The following PPP4R4 variants were observed in gnomAD, a reference collection of about 807,000 sequenced individuals.
PPP4R4 encodes protein phosphatase 4 regulatory subunit 4.
PPP4R4 carries 70 observed loss-of-function variants against 121.8 expected under a neutral mutation model. That is an observed-to-expected ratio of 0.57 (90% CI 0.47 to 0.70). The LOEUF (loss-of-function observed/expected upper bound fraction) is 0.70, where lower values mean the gene tolerates loss of function less well. Among genes scored for constraint, PPP4R4 ranks in the 30% least tolerant of loss-of-function variants. PPP4R4 has a pLI of 0.00. For missense variants in PPP4R4, 875 were observed against 1,033.6 expected (o/e 0.85, Z 2.10); for synonymous variants, 348 against 355.7 (o/e 0.98, Z 0.24).
In PPP4R4 at chr14:94,219,355, C is replaced by T. The variant is rs536653605; in HGVS notation, c.294+10789C>T. Among the ~76,000 whole-genome samples, 6 of 152,066 alleles carry T rather than the reference C, an allele frequency of 3.9e-5. No homozygotes were observed. In the South Asian group the frequency reaches 6.2e-4, roughly 16 times the overall value. ...TGCTGGGATTACAGATGTGAGCTACCGTGCCTGGCTGTAAAGGAAATTATT... is the reference window on the plus strand; with the variant it reads ...TGCTGGGATTACAGATGTGAGCTACTGTGCCTGGCTGTAAAGGAAATTATT... On this transcript the variant is annotated intron_variant, in intron 3 of 24. Coordinates refer to ENST00000304338, the MANE Select transcript of PPP4R4 (RefSeq NM_058237.2).
intron 2 of PPP4R4, among the ~76,000 whole-genome samples, chr14:94,193,930 TC>T (rs368982465): frequency 2.3e-4 from 35 of 152,314 alleles, no homozygotes; most frequent in African/African-American, 8.2e-4. Flanking sequence ...GGGTAAAACA[TC>T]CTTGGATTAC....
At chr14:94,259,466 A>C (rs1893657951) in intron 19 of PPP4R4, 97 bp downstream of exon 19, 2 of 1,351,514 alleles carry the variant, frequency 1.5e-6, no homozygotes, top group Non-Finnish European at 1.9e-6. Context: ...TCACCATTTC[A>C]CATTACTCTT....
At position 94,174,365 on chromosome 14, in the gene PPP4R4, C is replaced by G. The variant is rs1888537418; in HGVS notation, c.-101C>G. 1 of 1,108,542 alleles carries G rather than the reference C, an allele frequency of 9.0e-7. No individual in the cohort carries two copies. The highest frequency in any genetic ancestry group is 3.1e-5 in the South Asian group (1 of 32,276). The allele number at this position is 1,108,542 out of a possible 1,614,324, so 68.7% of individuals were successfully genotyped here. The stretch of plus-strand genomic sequence containing the variant: ...CAGCCTCACGCTCGGCTCCAGCGGC[C>G]AAGAGCCGGAGAAAGTCCTGCTGGT... On this transcript the variant is annotated 5_prime_UTR_variant, in exon 1 of 25. Coordinates refer to ENST00000304338, the MANE Select transcript of PPP4R4 (RefSeq NM_058237.2).
chr14:94,174,730 C>T, intron 1 of PPP4R4, 148 bp downstream of exon 1: 1 of 1,405,294 alleles, frequency 7.1e-7, no homozygotes, highest in Non-Finnish European at 9.4e-7. Context: ...TCCTCCACCC[C>T]TCTTGCCGTG....
intron 8 of PPP4R4, among the ~76,000 whole-genome samples, chr14:94,239,176 C>A (rs1409420371): frequency 6.7e-6 from 1 of 150,314 alleles, no homozygotes; most frequent in African/African-American, 2.5e-5. Flanking sequence ...TATTTTTGTC[C>A]TAGCCAACTC....
intron 3 of PPP4R4, among the ~76,000 whole-genome samples, chr14:94,219,268 G>T (rs551226948): frequency 3.3e-5 from 5 of 151,998 alleles, no homozygotes; most frequent in Non-Finnish European, 7.4e-5. Flanking sequence ...TAGAGACAGG[G>T]TTTCACCATG....
intron 1 of PPP4R4, 64 bp from the exon 2 acceptor site, chr14:94,175,990 G>A: frequency 8.0e-7 from 1 of 1,249,482 alleles, no homozygotes. Flanking sequence ...GGGTCACTGG[G>A]AGGTTGGGGG....
rs1894586315 is a variant in PPP4R4, at chr14:94,275,477, C to T, written c.2553C>T (p.Pro851=). ...TSRGTGNSVD[P]KSSGSKDTQP... ...GTGGGACAGGTAACTCAGTTGACCC[C>T]AAGAGCAGTGGAAGTAAAGATACAC... Residue 851 remains proline (P), a synonymous_variant, in exon 24 of 25, where the codon CCC becomes CCT. Transcript: ENST00000304338. The T allele has an allele frequency of 6.2e-7, 1 of 1,614,010 alleles. No homozygotes were observed. Among genetic ancestry groups the T allele is most frequent in the Non-Finnish European group, 8.5e-7 (1 of 1,179,952 alleles).
intron 20 of PPP4R4, 56 bp downstream of exon 20, chr14:94,265,003 G>A (rs2139642974): frequency 2.3e-6 from 3 of 1,285,570 alleles, no homozygotes; most frequent in Admixed American, 2.3e-5. Context: ...GTTGCATCCT[G>A]GTATTCTGAA....
chr14:94,184,267 C>CT (rs897997991), intron 2 of PPP4R4, among the ~76,000 whole-genome samples: 14 of 148,656 alleles, frequency 9.4e-5, no homozygotes, highest in South Asian at 2.1e-4. Flanking sequence ...TCATAGCTTT[C>CT]TTTTTTTTTT....
chr14:94,277,101 C>A (rs1225379031), intron 24 of PPP4R4, among the ~76,000 whole-genome samples: 1 of 152,128 alleles, frequency 6.6e-6, no homozygotes, highest in Non-Finnish European at 1.5e-5. Context: ...GAGTTTGAGA[C>A]CAGCCTGGCC....
chr14:94,255,091 C>A (rs943499692), intron 16 of PPP4R4, among the ~76,000 whole-genome samples: 3 of 152,190 alleles, frequency 2.0e-5, no homozygotes, highest in African/African-American at 7.2e-5. Flanking sequence ...AGCCTGTTGC[C>A]CACTTGCATT....
In PPP4R4 at chr14:94,246,344, G is replaced by A. The variant is rs368035725; in HGVS notation, c.1429-13G>A. 296 of 1,586,486 alleles carry A rather than the reference G, an allele frequency of 1.9e-4. No homozygotes were observed. The highest frequency in any genetic ancestry group is 1.5e-3 in the African/African-American group (113 of 73,188). On this transcript the variant is annotated splice_polypyrimidine_tract_variant and intron_variant, in intron 13 of 24. Coordinates refer to ENST00000304338, the MANE Select transcript of PPP4R4 (RefSeq NM_058237.2). ...TTATTTATAATTGATTTTTTGATGC[G>A]TTTCATTTTCAGTTATCTTCTCTGC...
At chr14:94,270,017 G>A (rs146106723) in intron 23 of PPP4R4, among the ~76,000 whole-genome samples, 34 of 152,306 alleles carry the variant, frequency 2.2e-4, no homozygotes, top group African/African-American at 7.9e-4. Flanking sequence ...GCATACTTAT[G>A]TAAGCTGTTA....
chr14:94,274,658 C>T (rs1398554388), intron 23 of PPP4R4, among the ~76,000 whole-genome samples: 6 of 152,144 alleles, frequency 3.9e-5, no homozygotes, highest in African/African-American at 1.4e-4. Context: ...TGTGGAGTAA[C>T]TCTCCAGAAT....
At chr14:94,201,564 T>G (rs1360625396) in intron 2 of PPP4R4, among the ~76,000 whole-genome samples, 1 of 152,236 alleles carries the variant, frequency 6.6e-6, no homozygotes, top group Non-Finnish European at 1.5e-5. Context: ...TTTATCATTA[T>G]GTAATGCCCC....
Position 94,233,757 on chromosome 14 carries a change from C to T in PPP4R4, c.621C>T (p.His207=). The T allele has an allele frequency of 2.6e-6, 4 of 1,535,856 alleles. No homozygotes were observed. Among genetic ancestry groups the T allele is most frequent in the Non-Finnish European group, 3.6e-6 (4 of 1,112,486 alleles). The change falls in exon 6 of 25, where the codon CAC becomes CAT. Residue 207 remains histidine (H), a splice_region_variant and synonymous_variant. Coordinates refer to ENST00000304338, the MANE Select transcript of PPP4R4 (RefSeq NM_058237.2). The part of the protein sequence containing the change: ...LGKLTNKFDA[H]TIKREILPLV... The stretch of plus-strand genomic sequence containing the variant: ...AATTGACCAACAAATTTGATGCCCA[C>T]ACGTGAGTATTTGTATGTAATTTTC...
intron 23 of PPP4R4, among the ~76,000 whole-genome samples, chr14:94,267,961 C>G (rs1253818971): frequency 6.6e-6 from 1 of 152,020 alleles, no homozygotes; most frequent in Admixed American, 6.6e-5. Flanking sequence ...ATTAAAGCAT[C>G]GACATTCACG....
rs1367945106 is a variant in PPP4R4 at position 94,245,405 on chromosome 14, C to T, written c.1345-182C>T. Among the ~76,000 whole-genome samples, 11 of 151,862 alleles carry T rather than the reference C, an allele frequency of 7.2e-5. 1 individual carries two copies. Among genetic ancestry groups the T allele is most frequent in the Middle Eastern group, 6.8e-3 (2 of 294 alleles). ...ATCTCTTTTTGAAGGTTGGCCAAGG[C>T]AGTTGATCATGTTTCTAAGACTTTT... On this transcript the variant is annotated intron_variant, in intron 12 of 24. Coordinates refer to ENST00000304338, the MANE Select transcript of PPP4R4 (RefSeq NM_058237.2).
Sources: gnomAD v4.1 joint callset for allele counts (sites outside exome capture counted in the v4.1 genomes callset) on GRCh38, gnomAD v4.1.1 for gene constraint, MANE v1.5 for transcripts, NCBI Gene and HGNC (gene_info 2026-07-23, HGNC 2026-07-21) for gene names.